OVCH2: variants seen among roughly 807,000 people sequenced by gnomAD.
OVCH2 encodes ovochymase 2.
A neutral mutation model predicts 73.7 loss-of-function variants in OVCH2; 88 were observed. That is an observed-to-expected ratio of 1.19 (90% CI 1.01 to 1.43). The LOEUF (loss-of-function observed/expected upper bound fraction) is 1.43. Among genes scored for constraint, OVCH2 ranks in the 40% most tolerant of loss-of-function variants. The pLI is 0.00. For missense variants in OVCH2, 706 were observed against 674.5 expected (o/e 1.05, Z -0.52); for synonymous variants, 265 against 234.5 (o/e 1.13, Z -1.19).
intron 3 of OVCH2, among the ~76,000 whole-genome samples, chr11:7,702,560 G>T (rs1856464779): frequency 1.3e-5 from 2 of 152,188 alleles, no homozygotes; most frequent in South Asian, 4.1e-4. Context: ...AGGATATGAT[G>T]AATTTAATAC....
chr11:7,684,748 C>A (rs1020384624), downstream of OVCH2, among the ~76,000 whole-genome samples: 1 of 152,056 alleles, frequency 6.6e-6, no homozygotes, highest in South Asian at 2.1e-4. Context: ...GATGTATGAA[C>A]TGGTGGGATG....
chr11:7,681,772 T>C, the OVCH2 span, among the ~76,000 whole-genome samples: 3 of 144,120 alleles, frequency 2.1e-5, no homozygotes, highest in Non-Finnish European at 4.5e-5. Flanking sequence ...TCCACCTGCA[T>C]GGACAAGCCT....
chr11:7,701,637 G>T, intron 5 of OVCH2, 79 bp downstream of exon 5: 2 of 1,493,200 alleles, frequency 1.3e-6, no homozygotes, highest in Non-Finnish European at 9.1e-7. Context: ...TTTTAAAAAT[G>T]GATTAAAAAT....
At chr11:7,679,016 T>C in the OVCH2 span, among the ~76,000 whole-genome samples, 1 of 152,206 alleles carries the variant, frequency 6.6e-6, no homozygotes, top group Non-Finnish European at 1.5e-5. Context: ...TTTCATTAAG[T>C]GTTTAATCTT....
chr11:7,696,414 T>G (rs1026253946), intron 10 of OVCH2, 51 bp downstream of exon 10: 6 of 1,609,860 alleles, frequency 3.7e-6, no homozygotes, highest in African/African-American at 2.7e-5. Flanking sequence ...CTAGGCCTCA[T>G]TAAGCCCACT....
At chr11:7,690,140 G>C (rs1176150689) in intron 14 of OVCH2, 127 bp from the exon 15 acceptor site, 1 of 646,568 alleles carries the variant, frequency 1.5e-6, no homozygotes, top group African/African-American at 1.8e-5. Flanking sequence ...GACTCTATAG[G>C]TATTTCAAAT....
At chr11:7,683,421 G>A in the OVCH2 span, among the ~76,000 whole-genome samples, 7 of 152,152 alleles carry the variant, frequency 4.6e-5, no homozygotes, top group South Asian at 4.2e-4. Flanking sequence ...TTGAAAATAC[G>A]TCCAGAATCT....
At chr11:7,695,329 A>C (rs1180921607) in intron 11 of OVCH2, 141 bp from the exon 12 acceptor site, 5 of 1,117,898 alleles carry the variant, frequency 4.5e-6, no homozygotes, top group Non-Finnish European at 6.3e-6. Flanking sequence ...GTAGTGCATG[A>C]TTCTCCAGAA....
At position 7,704,663 on chromosome 11, in the gene OVCH2, C is replaced by G; in HGVS notation, c.100G>C (p.Gly34Arg). 1.9e-6 allele frequency: 3 copies of G among 1,610,882 alleles called. No homozygotes were observed. The highest frequency in any genetic ancestry group is 2.5e-6 in the Non-Finnish European group (3 of 1,178,348). Residue 34 changes from glycine (G) to arginine (R), a missense_variant, in exon 2 of 16, where the codon GGG becomes CGG. By Grantham distance (125) the Gly-to-Arg change is moderately radical (BLOSUM62 -2). Transcript: ENST00000533663. ...GGCTGTACCTTAACCAGACTCTGCC[C>G]ACAACTGGGAGCTGAGAAAAAAACG... is the stretch of plus-strand genomic sequence containing the variant. The part of the protein sequence containing the change: ...TLSLPKAPSC[G>R]QSLVKVQPWN...
downstream of OVCH2, among the ~76,000 whole-genome samples, chr11:7,687,323 T>G (rs1214721537): frequency 6.7e-6 from 1 of 150,010 alleles, no homozygotes; most frequent in African/African-American, 2.4e-5. Context: ...ATAATAATAA[T>G]AATAATAATA....
At chr11:7,692,109 G>T (rs55905350) in intron 12 of OVCH2, 114 bp from the exon 13 acceptor site, 17,286 of 710,884 alleles carry the variant, frequency 0.024, 301 homozygotes, top group Middle Eastern at 0.06. Context: ...CCTTAGATAA[G>T]AAAGTTAATG....
chr11:7,686,537 T>G (rs7110070), downstream of OVCH2, among the ~76,000 whole-genome samples: 42,236 of 152,110 alleles, frequency 0.28, 7,804 homozygotes, highest in African/African-American at 0.53. Context: ...TGTTGTTAAA[T>G]ACACATTTTT....
chr11:7,689,710 G>T (rs1212195665), intron 15 of OVCH2, 108 bp from the exon 16 acceptor site: 4 of 643,760 alleles, frequency 6.2e-6, no homozygotes, highest in Non-Finnish European at 1.2e-5. Flanking sequence ...AAGGACACTA[G>T]TCATACTGGA....
Position 7,695,342 on chromosome 11 carries a change from C to G in OVCH2, c.1283-154G>C, listed in dbSNP as rs567622173. 3.3e-5 allele frequency among the ~76,000 whole-genome samples: 5 copies of G among 152,334 alleles called. No individual in the cohort carries two copies. The South Asian group carries it at 1.0e-3, about 32-fold the overall frequency. ...ACGTAGTGCATGATTCTCCAGAACT[C>G]ATCAGGCCCTCTCGACTCACTTGGA... On this transcript the variant is annotated intron_variant, in intron 11 of 15. Coordinates refer to ENST00000533663, the MANE Select transcript of OVCH2 (RefSeq NM_198185.7).
intron 2 of OVCH2, among the ~76,000 whole-genome samples, chr11:7,704,322 C>G (rs1167237500): frequency 1.3e-5 from 2 of 152,098 alleles, no homozygotes; most frequent in Non-Finnish European, 2.9e-5. Context: ...TTTACCCTAC[C>G]TCTCCAATAT....
intron 12 of OVCH2, among the ~76,000 whole-genome samples, chr11:7,694,630 TTGTGTTTTGA>T (rs1343691071): frequency 1.7e-5 from 2 of 119,642 alleles, no homozygotes; most frequent in Non-Finnish European, 3.5e-5. Flanking sequence ...TTGTTTTGTT[TTGTGTTTTGA>T]GAGTTTCGCT....
At position 7,696,205 on chromosome 11, in the gene OVCH2, C is replaced by T. The variant is rs115698656; in HGVS notation, c.1141+260G>A. On this transcript the variant is annotated intron_variant, in intron 10 of 15. Transcript: ENST00000533663. ...CCTGGAATATATCTAGAGTTTATTC[C>T]TCATGGACACCAGGTCTGGCAAATG... Among the ~76,000 whole-genome samples, 356 of 152,252 alleles carry T rather than the reference C, an allele frequency of 2.3e-3. 1 individual carries two copies. The highest frequency in any genetic ancestry group is 8.0e-3 in the African/African-American group (334 of 41,548).
Position 7,702,603 on chromosome 11 carries a change from C to T in OVCH2, c.291-274G>A, listed in dbSNP as rs75082868. Among the ~76,000 whole-genome samples, 650 of 152,262 alleles carry T rather than the reference C, an allele frequency of 4.3e-3. 2 individuals are homozygous for T. The highest frequency in any genetic ancestry group is 6.7e-3 in the Non-Finnish European group (457 of 68,028). ...TGTTATTTGAAAATATCTAGAGAGG[C>T]ACATACATTGTAGTTCAGGGCTCTA... is the stretch of plus-strand genomic sequence containing the variant. On this transcript the variant is annotated intron_variant, in intron 3 of 15. Coordinates refer to ENST00000533663, the MANE Select transcript of OVCH2 (RefSeq NM_198185.7).
chr11:7,680,926 G>GC, the OVCH2 span, among the ~76,000 whole-genome samples: 2 of 152,146 alleles, frequency 1.3e-5, no homozygotes, highest in Admixed American at 1.3e-4. Context: ...CAAGGGAGGA[G>GC]CCCCCTGTTC....
Sources: allele counts gnomAD v4.1 joint callset (sites outside exome capture counted in the v4.1 genomes callset), GRCh38; gene constraint gnomAD v4.1.1; transcripts MANE v1.5; gene names NCBI Gene and HGNC (gene_info 2026-07-23, HGNC 2026-07-21).